NLRP11: variants seen among roughly 807,000 people sequenced by gnomAD.
NLRP11 encodes NACHT, LRR and PYD domains-containing protein 11.
In NLRP11, 53 loss-of-function variants were observed where a neutral mutation model predicts 79.3. The ratio of observed to expected loss-of-function variants is 0.67; its 90% CI spans 0.54 to 0.84. NLRP11 has a LOEUF of 0.84. Ranked by LOEUF, NLRP11 falls within the 40% of genes least tolerant of loss-of-function variation. The pLI, the probability that NLRP11 is intolerant of heterozygous loss-of-function variation, is 0.00. For missense variants in NLRP11, 1,264 were observed against 1,255.0 expected (o/e 1.01, Z -0.11); for synonymous variants, 518 against 462.6 (o/e 1.12, Z -1.54).
At chr19:55,832,295 C>T (rs1319152043), upstream of NLRP11, among the ~76,000 whole-genome samples, 2 of 152,180 alleles carry the variant, frequency 1.3e-5, no homozygotes, top group Non-Finnish European at 2.9e-5. Flanking sequence ...AAGAAGTTTT[C>T]CACCAATAAT....
chr19:55,809,198 A>G lies in NLRP11; in HGVS notation c.1412T>C (p.Ile471Thr), dbSNP rs1268108310. The change falls in exon 3 of 10, where the codon ATC becomes ACC. Residue 471 changes from isoleucine to threonine, a missense_variant. Ile to Thr is a moderately conservative substitution (Grantham distance 89). Transcript: ENST00000589093. The surrounding 1 kb of genome is among the most constrained non-coding windows in gnomAD (Gnocchi z 4.5). ...TTTATACTCTCTGCTGCCTGAGGGG[A>G]TCAGATAGTTGGGTACTGCCATCAG... 4 of 1,613,592 alleles carry G rather than the reference A, an allele frequency of 2.5e-6. No individual in the cohort carries two copies. The East Asian group carries it at 8.9e-5, about 36-fold the overall frequency.
chr19:55,787,734 G>T (rs1989969788), intron 9 of NLRP11, among the ~76,000 whole-genome samples: 1 of 152,132 alleles, frequency 6.6e-6, no homozygotes, highest in Non-Finnish European at 1.5e-5. Flanking sequence ...AAACTCTATT[G>T]CCTTGAAAAA....
intron 1 of NLRP11, among the ~76,000 whole-genome samples, chr19:55,823,147 GA>G (rs1981968362): frequency 6.8e-6 from 1 of 146,580 alleles, no homozygotes; most frequent in South Asian, 2.1e-4. Context: ...CCCCCAGCAG[GA>G]GCACACTGAC....
chr19:55,785,756 T>C lies in NLRP11; in HGVS notation c.2971A>G (p.Ile991Val), dbSNP rs1989839288. 2.5e-6 allele frequency: 4 copies of C among 1,614,166 alleles called. No individual in the cohort carries two copies. The African/African-American group carries it at 5.3e-5, about 22-fold the overall frequency. The stretch of plus-strand genomic sequence containing the variant: ...GGCTGAGAAGCAGGTGTCACACCAA[T>C]TTCTCTGCCTTCCTTTAAAGACCAA... The change falls in exon 10 of 10, where the codon ATT (isoleucine) becomes GTT (valine). Residue 991 changes from isoleucine to valine, a missense_variant. Ile to Val is a conservative substitution (Grantham distance 29). Coordinates refer to ENST00000589093, the Ensembl canonical transcript of NLRP11.
Position 55,809,478 on chromosome 19 carries a change from A to G in NLRP11, c.1132T>C (p.Leu378=). The G allele has an allele frequency of 6.2e-7, 1 of 1,614,168 alleles. No homozygotes were observed. Among genetic ancestry groups the G allele is most frequent in the Non-Finnish European group, 8.5e-7 (1 of 1,180,010 alleles). Residue 378 remains leucine, a synonymous_variant, in exon 3 of 10, where the codon TTG becomes CTG. Transcript: ENST00000589093. This position sits in a 1 kb window ranked among gnomAD's most constrained non-coding sequence, Gnocchi z 4.5. ...GCAGTAAGTCCAGCCTCTGATGTCAACGCATCAGCAAGAAAGTGGGCATGT... is the reference window on the plus strand; with the variant it reads ...GCAGTAAGTCCAGCCTCTGATGTCAGCGCATCAGCAAGAAAGTGGGCATGT...
intron 9 of NLRP11, 120 bp from the exon 10 acceptor site, chr19:55,785,991 T>C: frequency 1.9e-6 from 2 of 1,064,962 alleles, no homozygotes; most frequent in Non-Finnish European, 2.7e-6. Flanking sequence ...TCTCAAGCCA[T>C]CTCTGAGGAA....
intron 5 of NLRP11, 96 bp downstream of exon 5, chr19:55,801,476 T>C: frequency 1.1e-6 from 1 of 877,896 alleles, no homozygotes. Context: ...CATCAAAAGG[T>C]AGGAGCAGGT....
chr19:55,833,588 A>AC (rs1982979263), upstream of NLRP11, among the ~76,000 whole-genome samples: 1 of 151,308 alleles, frequency 6.6e-6, no homozygotes, highest in African/African-American at 2.4e-5. Context: ...ACACGGTGAA[A>AC]CCCCCGTCTC....
At chr19:55,790,993 C>T (rs937892139) in intron 7 of NLRP11, among the ~76,000 whole-genome samples, 1 of 152,108 alleles carries the variant, frequency 6.6e-6, no homozygotes, top group Non-Finnish European at 1.5e-5. Context: ...GACAAAAGAA[C>T]GTGTTTGGAG....
rs1568623957 is a variant in NLRP11, at chr19:55,785,492, G to GACACACAC, written c.*132_*133insGTGTGTGT. On this transcript the variant is annotated 3_prime_UTR_variant, in exon 10 of 10. Coordinates refer to ENST00000589093, the Ensembl canonical transcript of NLRP11. ...ATTTGAAGTGGTTGACTGGATCAAG[G>GACACACAC]TCACACACACACACACACACACACA... The GACACACAC allele has an allele frequency of 2.5e-5, 16 of 652,752 alleles. No individual in the cohort carries two copies. In the Admixed American group the frequency reaches 3.9e-4, roughly 16 times the overall value. 40.4% of individuals were successfully genotyped at this position (652,752 alleles called of 1,614,324 possible). A position where few individuals can be genotyped will look rare whatever the true frequency, so the allele number is the denominator to read the frequency against.
chr19:55,801,862 G>A (rs1280978519), intron 4 of NLRP11, 123 bp from the exon 5 acceptor site: 2 of 758,974 alleles, frequency 2.6e-6, no homozygotes, highest in Non-Finnish European at 4.4e-6. Flanking sequence ...CCTCACACAT[G>A]GCTCTCGATC....
intron 9 of NLRP11, 34 bp from the exon 10 acceptor site, chr19:55,785,905 C>G: frequency 1.3e-6 from 2 of 1,597,086 alleles, no homozygotes; most frequent in Non-Finnish European, 1.7e-6. Context: ...GCCGTTAATG[C>G]TACATGTGAG....
chr19:55,819,717 A>G (rs1981497116), intron 1 of NLRP11, among the ~76,000 whole-genome samples: 1 of 152,168 alleles, frequency 6.6e-6, no homozygotes, highest in South Asian at 2.1e-4. Flanking sequence ...AGACTGCTCG[A>G]TCTCTAACCA....
At chr19:55,807,428 C>T (rs2061748) in intron 4 of NLRP11, among the ~76,000 whole-genome samples, 23,144 of 152,086 alleles carry the variant, frequency 0.15, 2,227 homozygotes, top group African/African-American at 0.27. Context: ...AGGATAAACC[C>T]ACTTGTTACT....
chr19:55,819,750 T>C (rs542321920), intron 1 of NLRP11, among the ~76,000 whole-genome samples: 4 of 152,178 alleles, frequency 2.6e-5, no homozygotes, highest in Admixed American at 2.0e-4. Flanking sequence ...AACTAGATAC[T>C]CAACCGTAAC....
chr19:55,793,888 T>C (rs1468229805), intron 6 of NLRP11, among the ~76,000 whole-genome samples: 1 of 152,222 alleles, frequency 6.6e-6, no homozygotes, highest in Non-Finnish European at 1.5e-5. Flanking sequence ...AAGTTCCCTG[T>C]TGTCCTCGTA....
upstream of NLRP11, among the ~76,000 whole-genome samples, chr19:55,833,383 C>T (rs1648508686): frequency 6.6e-6 from 1 of 151,942 alleles, no homozygotes. Flanking sequence ...CCAAGAGACG[C>T]CTGAAGCACA....
intron 1 of NLRP11, among the ~76,000 whole-genome samples, chr19:55,823,248 CG>C (rs756865250): frequency 5.1e-5 from 7 of 138,342 alleles, no homozygotes; most frequent in African/African-American, 8.7e-5. Flanking sequence ...ACATCCACAC[CG>C]AAAACCCATC....
At chr19:55,817,348 C>T (rs1268825185) in intron 2 of NLRP11, among the ~76,000 whole-genome samples, 1 of 152,062 alleles carries the variant, frequency 6.6e-6, no homozygotes, top group Non-Finnish European at 1.5e-5. Flanking sequence ...GAAAACAAGT[C>T]ATTATACAAA....
Sources: gnomAD v4.1 joint callset for allele counts (sites outside exome capture counted in the v4.1 genomes callset) on GRCh38, gnomAD v4.1.1 for gene constraint, Gnocchi (gnomAD v3.1) non-coding constraint, MANE v1.5 for transcripts, NCBI Gene and HGNC (gene_info 2026-07-23, HGNC 2026-07-21) for gene names.